CDKAL1: variants seen among roughly 807,000 people sequenced by gnomAD.
CDKAL1 encodes the protein CDKAL1 threonylcarbamoyladenosine tRNA methylthiotransferase, also known as threonylcarbamoyladenosine tRNA methylthiotransferase.
In CDKAL1, 32 loss-of-function variants were observed where a neutral mutation model predicts 68.2. That is an observed-to-expected ratio of 0.47 (90% CI 0.35 to 0.63). The LOEUF (loss-of-function observed/expected upper bound fraction) is 0.63, where lower values mean the gene tolerates loss of function less well. Among genes scored for constraint, CDKAL1 ranks in the 30% least tolerant of loss-of-function variants. The probability of loss-of-function intolerance (pLI) is 0.00; values close to 1 mark genes in which losing one functional copy is unlikely to be tolerated. For missense variants in CDKAL1, 606 were observed against 696.7 expected (o/e 0.87, Z 1.47); for synonymous variants, 234 against 244.3 (o/e 0.96, Z 0.39).
intron 4 of CDKAL1, among the ~76,000 whole-genome samples, chr6:20,550,354 T>C (rs1253439870): frequency 6.6e-6 from 1 of 152,200 alleles, no homozygotes; most frequent in Non-Finnish European, 1.5e-5. Context: ...ACTATCATTA[T>C]GTATTATGCT....
chr6:20,924,325 C>A (rs1232459035), intron 9 of CDKAL1, among the ~76,000 whole-genome samples: 1 of 148,262 alleles, frequency 6.7e-6, no homozygotes, highest in Non-Finnish European at 1.5e-5. Flanking sequence ...GAGATCACAC[C>A]ACTGCACTCC....
At chr6:20,570,351 C>T (rs1439653676) in intron 4 of CDKAL1, among the ~76,000 whole-genome samples, 1 of 152,010 alleles carries the variant, frequency 6.6e-6, no homozygotes, top group East Asian at 1.9e-4. Context: ...ATCCATCCAC[C>T]TCGGCCTCCC....
At chr6:21,181,838 C>T (rs575646556) in intron 13 of CDKAL1, among the ~76,000 whole-genome samples, 7 of 152,250 alleles carry the variant, frequency 4.6e-5, no homozygotes, top group African/African-American at 1.7e-4. Flanking sequence ...ATGAAAATTT[C>T]TCTTTCATTT....
chr6:21,135,622 A>C lies in CDKAL1; in HGVS notation c.1299+27159A>C, dbSNP rs1775553286. 3.4e-6 allele frequency: 3 copies of C among 871,366 alleles called. No individual in the cohort carries two copies. The South Asian group carries it at 1.6e-4, about 46-fold the overall frequency. 54.0% of individuals were successfully genotyped at this position (871,366 alleles called of 1,614,324 possible). A position where few individuals can be genotyped will look rare whatever the true frequency, so the allele number is the denominator to read the frequency against. On this transcript the variant is annotated intron_variant, in intron 13 of 15. Coordinates refer to ENST00000274695, the MANE Select transcript of CDKAL1 (RefSeq NM_017774.3). ...CTAGTTGACTACATAATTACAACAT[A>C]ATTTAATTTTCTTCTTCCAGCAACA...
intron 7 of CDKAL1, 87 bp downstream of exon 7, chr6:20,758,730 C>G (rs1774342039): frequency 7.4e-6 from 7 of 939,920 alleles, no homozygotes; most frequent in Non-Finnish European, 1.1e-5. Flanking sequence ...TGCCAGGCAC[C>G]TTTATAAAAG....
At chr6:20,733,076 C>T (rs780151620) in intron 5 of CDKAL1, among the ~76,000 whole-genome samples, 8 of 152,180 alleles carry the variant, frequency 5.3e-5, no homozygotes, top group Non-Finnish European at 1.2e-4. Flanking sequence ...CCCAGTGCCC[C>T]TGACCTTCTC....
At chr6:20,676,397 A>G (rs60063378) in intron 5 of CDKAL1, among the ~76,000 whole-genome samples, 14,068 of 152,042 alleles carry the variant, frequency 0.093, 2,095 homozygotes, top group African/African-American at 0.31. Context: ...GGCCGGCACA[A>G]TGGCTCATGC....
chr6:20,558,501 T>C (rs1357760296), intron 4 of CDKAL1: 1 of 456,498 alleles, frequency 2.2e-6, no homozygotes, highest in African/African-American at 2.0e-5. Context: ...AGTAAGTGCA[T>C]GAACTAGACA....
At chr6:21,159,918 A>G (rs528510269) in intron 13 of CDKAL1, among the ~76,000 whole-genome samples, 4 of 152,328 alleles carry the variant, frequency 2.6e-5, no homozygotes, top group Admixed American at 2.6e-4. Context: ...GTGGGAGATT[A>G]TTGACTTCCT....
In CDKAL1 at chr6:21,221,060, G is replaced by A. The variant is rs575663398; in HGVS notation, c.1549-9788G>A. On this transcript the variant is annotated intron_variant, in intron 15 of 15. Transcript: ENST00000274695. The stretch of plus-strand genomic sequence containing the variant: ...CACATGCCTGTAATCCCAGCTACTC[G>A]GGAGGCTGAAGCAGGAGAGTCACTT... 1.2e-4 allele frequency among the ~76,000 whole-genome samples: 18 copies of A among 151,752 alleles called. No homozygotes were observed. The East Asian group carries it at 2.6e-3, about 22-fold the overall frequency.
chr6:20,759,409 G>C (rs900786490), intron 7 of CDKAL1, among the ~76,000 whole-genome samples: 3 of 152,028 alleles, frequency 2.0e-5, no homozygotes, highest in African/African-American at 7.2e-5. Flanking sequence ...GGGTGTGGTG[G>C]GGTGCTCATG....
intron 13 of CDKAL1, among the ~76,000 whole-genome samples, chr6:21,185,055 C>T (rs932295257): frequency 5.9e-5 from 9 of 152,016 alleles, no homozygotes; most frequent in Non-Finnish European, 1.0e-4. Context: ...TATAGGTTTT[C>T]CCAGCTACTC....
At chr6:20,583,021 T>C (rs369419722) in intron 4 of CDKAL1, among the ~76,000 whole-genome samples, 2 of 152,198 alleles carry the variant, frequency 1.3e-5, no homozygotes, top group African/African-American at 4.8e-5. Context: ...CTATGGACTT[T>C]ATTAATAGAA....
At chr6:20,870,556 A>G (rs1169002128) in intron 9 of CDKAL1, among the ~76,000 whole-genome samples, 1 of 152,118 alleles carries the variant, frequency 6.6e-6, no homozygotes, top group African/African-American at 2.4e-5. Flanking sequence ...TTCTTTCCTG[A>G]CGTTTACTTG....
At chr6:20,809,416 A>G (rs1002411134) in intron 8 of CDKAL1, among the ~76,000 whole-genome samples, 19 of 152,174 alleles carry the variant, frequency 1.2e-4, no homozygotes, top group African/African-American at 4.6e-4. Context: ...CTGATTAGGT[A>G]TCACTTTTTG....
At chr6:20,916,940 T>G (rs1762749035) in intron 9 of CDKAL1, among the ~76,000 whole-genome samples, 1 of 152,108 alleles carries the variant, frequency 6.6e-6, no homozygotes, top group South Asian at 2.1e-4. Context: ...ATGTTGTTAC[T>G]GAAGTATTAT....
intron 13 of CDKAL1, among the ~76,000 whole-genome samples, chr6:21,126,839 A>G (rs1775037549): frequency 6.6e-6 from 1 of 152,194 alleles, no homozygotes; most frequent in Admixed American, 6.5e-5. Flanking sequence ...GGCTTCCTTA[A>G]TTGAACTGTC....
At chr6:20,537,968 T>C (rs1763242110) in intron 2 of CDKAL1, among the ~76,000 whole-genome samples, 1 of 152,234 alleles carries the variant, frequency 6.6e-6, no homozygotes, top group African/African-American at 2.4e-5. Context: ...GTACTTATGA[T>C]ATACAGCCAG....
chr6:21,088,440 G>A (rs6456395), intron 12 of CDKAL1, among the ~76,000 whole-genome samples: 48,229 of 152,030 alleles, frequency 0.32, 7,763 homozygotes, highest in Middle Eastern at 0.42. Context: ...TCTGGAAGTG[G>A]AGGTTCTAAC....
Sources: allele counts gnomAD v4.1 joint callset (sites outside exome capture counted in the v4.1 genomes callset), GRCh38; gene constraint gnomAD v4.1.1; transcripts MANE v1.5; gene names NCBI Gene and HGNC (gene_info 2026-07-23, HGNC 2026-07-21).